Variants in DOK6 observed in about 807,000 individuals in gnomAD.
DOK6 encodes docking protein 6, also known as downstream of tyrosine kinase 6.
DOK6 carries 22 observed loss-of-function variants against 44.0 expected under a neutral mutation model. The ratio of observed to expected loss-of-function variants is 0.50; its 90% CI spans 0.36 to 0.71. The LOEUF (loss-of-function observed/expected upper bound fraction) is 0.71. DOK6 is among the 30% of genes least tolerant of loss of function. The pLI, the probability that DOK6 is intolerant of heterozygous loss-of-function variation, is 0.00. For missense variants in DOK6, 340 were observed against 416.4 expected, an observed-to-expected ratio of 0.82 and a Z score of 1.60; for synonymous variants, 166 against 145.5, an observed-to-expected ratio of 1.14 and a Z score of -1.01.
intron 1 of DOK6, among the ~76,000 whole-genome samples, chr18:69,421,472 T>C (rs1978490365): frequency 6.6e-6 from 1 of 152,196 alleles, no homozygotes; most frequent in Non-Finnish European, 1.5e-5. Flanking sequence ...AAGTATCAAA[T>C]GGCCAACTCC....
intron 2 of DOK6, among the ~76,000 whole-genome samples, chr18:69,580,381 C>T (rs1983339028): frequency 6.6e-6 from 1 of 152,304 alleles, no homozygotes; most frequent in East Asian, 1.9e-4. Context: ...CAAGCCAGCA[C>T]GGCACATCAA....
chr18:69,636,224 C>G (rs1984804921), intron 3 of DOK6, among the ~76,000 whole-genome samples: 1 of 152,132 alleles, frequency 6.6e-6, no homozygotes, highest in Non-Finnish European at 1.5e-5. Context: ...CAGAAGCCAC[C>G]CTTTGTAAGT....
intron 6 of DOK6, among the ~76,000 whole-genome samples, chr18:69,757,158 CA>C (rs546846895): frequency 7.1e-4 from 108 of 152,218 alleles, no homozygotes; most frequent in Non-Finnish European, 1.4e-3. Flanking sequence ...CAGTGTTTCT[CA>C]GAGAATACCT....
chr18:69,466,334 G>A (rs1979926732), intron 1 of DOK6, among the ~76,000 whole-genome samples: 1 of 152,114 alleles, frequency 6.6e-6, no homozygotes, highest in African/African-American at 2.4e-5. Context: ...TGTCACAAAT[G>A]TCAGGATTTC....
chr18:69,435,821 CCT>C (rs1978959571), intron 1 of DOK6, among the ~76,000 whole-genome samples: 1 of 152,012 alleles, frequency 6.6e-6, no homozygotes, highest in African/African-American at 2.4e-5. Flanking sequence ...TTTCCCCCTC[CCT>C]CTTTCGTTTT....
chr18:69,551,961 C>T (rs757511373), intron 1 of DOK6, among the ~76,000 whole-genome samples: 15 of 152,206 alleles, frequency 9.9e-5, no homozygotes, highest in South Asian at 2.1e-4. Flanking sequence ...TACCCCAGTT[C>T]ACATACTTGG....
At chr18:69,664,071 A>G (rs537825277) in intron 3 of DOK6, among the ~76,000 whole-genome samples, 43 of 152,372 alleles carry the variant, frequency 2.8e-4, no homozygotes, top group African/African-American at 1.0e-3. Context: ...TACAAAGCTA[A>G]TAGAAAACAA....
chr18:69,736,352 G>A (rs1322951187), intron 5 of DOK6, among the ~76,000 whole-genome samples: 2 of 152,036 alleles, frequency 1.3e-5, no homozygotes, highest in African/African-American at 2.4e-5. Context: ...GGAAACAAGT[G>A]TCCCAGTTCT....
chr18:69,664,479 A>G (rs1046098626), intron 3 of DOK6, among the ~76,000 whole-genome samples: 3 of 152,218 alleles, frequency 2.0e-5, no homozygotes, highest in Non-Finnish European at 2.9e-5. Flanking sequence ...TTGTATTTCA[A>G]CATCAGTGGT....
At chr18:69,682,989 C>T (rs368151850) in intron 4 of DOK6, among the ~76,000 whole-genome samples, 15 of 152,310 alleles carry the variant, frequency 9.8e-5, no homozygotes, top group East Asian at 5.8e-4. Flanking sequence ...GACAAAACAA[C>T]GGCCACAGTA....
chr18:69,693,290 G>T (rs932336722), intron 4 of DOK6, among the ~76,000 whole-genome samples: 10 of 133,256 alleles, frequency 7.5e-5, no homozygotes, highest in Non-Finnish European at 1.1e-4. Flanking sequence ...ATAGAATACA[G>T]TGGAAAAAAG....
chr18:69,711,873 C>T (rs1986763842), intron 5 of DOK6, among the ~76,000 whole-genome samples: 1 of 152,128 alleles, frequency 6.6e-6, no homozygotes, highest in Non-Finnish European at 1.5e-5. Flanking sequence ...CGTGGCAGGC[C>T]CCATACTTGT....
chr18:69,470,970 C>T (rs578011513), intron 1 of DOK6, among the ~76,000 whole-genome samples: 161 of 152,130 alleles, frequency 1.1e-3, no homozygotes, highest in African/African-American at 3.4e-3. Context: ...TGTGATGTAG[C>T]CGGGCACGGT....
intron 1 of DOK6, among the ~76,000 whole-genome samples, chr18:69,435,389 T>C (rs1247563233): frequency 1.3e-5 from 2 of 152,230 alleles, no homozygotes; most frequent in Non-Finnish European, 2.9e-5. Context: ...TATGGGTCTT[T>C]CTATTAAGAA....
At chr18:69,756,109 C>G (rs1389380857) in intron 6 of DOK6, among the ~76,000 whole-genome samples, 3 of 152,182 alleles carry the variant, frequency 2.0e-5, no homozygotes, top group African/African-American at 7.2e-5. Context: ...ATATTTTTTA[C>G]GTGGGCTTGT....
At chr18:69,668,969 T>C (rs77426415) in intron 3 of DOK6, among the ~76,000 whole-genome samples, 6,094 of 152,246 alleles carry the variant, frequency 0.04, 183 homozygotes, top group Middle Eastern at 0.092. Context: ...AGGGTTTTGT[T>C]TGCTTGCCTT....
intron 3 of DOK6, among the ~76,000 whole-genome samples, chr18:69,640,514 C>T (rs898606323): frequency 2.7e-5 from 4 of 150,724 alleles, no homozygotes; most frequent in Non-Finnish European, 5.9e-5. Context: ...TTTTTGCATG[C>T]TGGCAACAAG....
At chr18:69,617,730 G>GAAAGAAAGAAAGAAAGAA in intron 3 of DOK6, among the ~76,000 whole-genome samples, 1 of 88,796 alleles carries the variant, frequency 1.1e-5, no homozygotes, top group Admixed American at 1.4e-4. Context: ...AAAGAAAAAA[G>GAAAGAAAGAAAGAAAGAA]GGGGAAGGAG....
chr18:69,627,230 C>G (rs1172806607), intron 3 of DOK6, among the ~76,000 whole-genome samples: 1 of 152,130 alleles, frequency 6.6e-6, no homozygotes, highest in Non-Finnish European at 1.5e-5. Context: ...AAAAAAGACT[C>G]AGAGAAGAGA....
Sources: allele counts gnomAD v4.1 joint callset (sites outside exome capture counted in the v4.1 genomes callset), GRCh38; gene constraint gnomAD v4.1.1; transcripts MANE v1.5; gene names NCBI Gene and HGNC (gene_info 2026-07-23, HGNC 2026-07-21).